Variants in TCERG1L observed in about 807,000 individuals in gnomAD.
TCERG1L encodes the protein transcription elongation regulator 1 like, also known as transcription elongation regulator 1-like protein.
TCERG1L carries 37 observed loss-of-function variants against 56.3 expected under a neutral mutation model. The ratio of observed to expected loss-of-function variants is 0.66; its 90% CI spans 0.51 to 0.87. The LOEUF (loss-of-function observed/expected upper bound fraction) is 0.87. Ranked by LOEUF, TCERG1L falls within the 40% of genes least tolerant of loss-of-function variation. The pLI is 0.00. For missense variants in TCERG1L, 799 were observed against 774.2 expected (o/e 1.03, Z -0.38); for synonymous variants, 324 against 326.3 (o/e 0.99, Z 0.08).
At chr10:131,256,960 G>GGAAA (rs1846169920) in intron 4 of TCERG1L, among the ~76,000 whole-genome samples, 2 of 39,784 alleles carry the variant, frequency 5.0e-5, no homozygotes, top group African/African-American at 1.6e-4. Context: ...AAGGAAGGAA[G>GGAAA]GAAGGAAGGA....
In TCERG1L at chr10:131,311,501, G is replaced by GC; in HGVS notation, c.134dup (p.Ser46LeufsTer116). The GC allele has an allele frequency of 2.5e-6, 3 of 1,208,904 alleles. No homozygotes were observed. Among genetic ancestry groups the GC allele is most frequent in the Non-Finnish European group, 3.1e-6 (3 of 969,834 alleles). 74.9% of individuals were successfully genotyped at this position (1,208,904 alleles called of 1,614,324 possible). A position where few individuals can be genotyped will look rare whatever the true frequency, so the allele number is the denominator to read the frequency against. On this transcript the variant is annotated frameshift_variant, in exon 1 of 12. Coordinates refer to ENST00000368642, the MANE Select transcript of TCERG1L (RefSeq NM_174937.4). LOFTEE classifies it high-confidence loss of function. This position sits in a 1 kb window ranked among gnomAD's most constrained non-coding sequence, Gnocchi z 4.0. ...CGCTGAGCCGGAGCAGCCCGGCCGAGCCCGGCACCATCCAGACCCAGGGCG... is the reference window on the plus strand; with the variant it reads ...CGCTGAGCCGGAGCAGCCCGGCCGAGCCCCGGCACCATCCAGACCCAGGGCG...
intron 3 of TCERG1L, among the ~76,000 whole-genome samples, chr10:131,284,871 T>A (rs1033227395): frequency 3.9e-5 from 6 of 152,268 alleles, no homozygotes; most frequent in African/African-American, 1.2e-4. Flanking sequence ...ATATAACAAC[T>A]AAATACATTG....
At chr10:131,098,914 T>A (rs956149049) in intron 10 of TCERG1L, among the ~76,000 whole-genome samples, 16 of 152,214 alleles carry the variant, frequency 1.1e-4, no homozygotes, top group African/African-American at 3.4e-4. Flanking sequence ...GACATTCGAG[T>A]CTCCCAAAAA....
chr10:131,202,670 C>A (rs764464464), intron 4 of TCERG1L, among the ~76,000 whole-genome samples: 1 of 152,102 alleles, frequency 6.6e-6, no homozygotes, highest in South Asian at 2.1e-4. Flanking sequence ...AGTAACGTAG[C>A]GGAATTCAAG....
At chr10:131,215,213 G>A (rs1187573537) in intron 4 of TCERG1L, among the ~76,000 whole-genome samples, 1 of 152,104 alleles carries the variant, frequency 6.6e-6, no homozygotes, top group African/African-American at 2.4e-5. Flanking sequence ...GTTATCCAAG[G>A]CTCACCCCAA....
chr10:131,286,451 C>T (rs1388941887), intron 3 of TCERG1L, among the ~76,000 whole-genome samples: 1 of 152,106 alleles, frequency 6.6e-6, no homozygotes, highest in Non-Finnish European at 1.5e-5. Context: ...AGGTAATGCA[C>T]CCGCATACTA....
chr10:131,207,360 G>A (rs867560935), intron 4 of TCERG1L, among the ~76,000 whole-genome samples: 23 of 152,206 alleles, frequency 1.5e-4, no homozygotes, highest in African/African-American at 4.1e-4. Context: ...TCTTGCTGCC[G>A]AGGCTTTGCT....
intron 11 of TCERG1L, among the ~76,000 whole-genome samples, chr10:131,094,471 A>T (rs1408902789): frequency 1.3e-5 from 2 of 152,252 alleles, no homozygotes; most frequent in African/African-American, 4.8e-5. Flanking sequence ...CATGGCTGTT[A>T]GAAGACAAGA....
At chr10:131,240,896 C>T (rs1211096624) in intron 4 of TCERG1L, among the ~76,000 whole-genome samples, 3 of 152,154 alleles carry the variant, frequency 2.0e-5, no homozygotes, top group Non-Finnish European at 2.9e-5. Context: ...AGGTCCCCTG[C>T]GAGGGGCTGC....
At chr10:131,141,149 G>A (rs1487820376) in intron 7 of TCERG1L, among the ~76,000 whole-genome samples, 1 of 152,090 alleles carries the variant, frequency 6.6e-6, no homozygotes, top group Non-Finnish European at 1.5e-5. Context: ...TTCTAGATTT[G>A]GTCAATAATC....
intron 10 of TCERG1L, among the ~76,000 whole-genome samples, chr10:131,102,718 C>T (rs1369330685): frequency 1.3e-5 from 2 of 152,138 alleles, no homozygotes; most frequent in African/African-American, 2.4e-5. Flanking sequence ...GAGGGCAAGA[C>T]GTGACCGCAC....
chr10:131,236,799 A>G (rs1044343521), intron 4 of TCERG1L, among the ~76,000 whole-genome samples: 3 of 152,158 alleles, frequency 2.0e-5, no homozygotes, highest in Non-Finnish European at 4.4e-5. Context: ...GCAGAGAGAC[A>G]TGAGTCCCTA....
At chr10:131,217,709 T>A (rs941040035) in intron 4 of TCERG1L, among the ~76,000 whole-genome samples, 2 of 4,200 alleles carry the variant, frequency 4.8e-4, no homozygotes, top group African/African-American at 1.1e-3. Flanking sequence ...GTAGCTGCCC[T>A]TTTTTTTTTT....
intron 4 of TCERG1L, among the ~76,000 whole-genome samples, chr10:131,214,070 G>A (rs1206313224): frequency 6.6e-6 from 1 of 151,986 alleles, no homozygotes; most frequent in African/African-American, 2.4e-5. Context: ...ACGCACAACA[G>A]TTACAATGAC....
intron 3 of TCERG1L, among the ~76,000 whole-genome samples, chr10:131,287,928 T>C (rs1420970272): frequency 2.0e-5 from 3 of 152,192 alleles, no homozygotes; most frequent in Non-Finnish European, 4.4e-5. Flanking sequence ...AGTAATGACA[T>C]GATGTCACTC....
chr10:131,252,650 C>T (rs1352812242), intron 4 of TCERG1L, among the ~76,000 whole-genome samples: 1 of 152,194 alleles, frequency 6.6e-6, no homozygotes, highest in Non-Finnish European at 1.5e-5. Flanking sequence ...ACCGCCTCCT[C>T]TACCGAGTCC....
intron 6 of TCERG1L, among the ~76,000 whole-genome samples, chr10:131,154,725 A>G (rs989002648): frequency 6.6e-6 from 1 of 152,120 alleles, no homozygotes; most frequent in African/African-American, 2.4e-5. Flanking sequence ...TTCCCTCTTG[A>G]GTAGGTTCTC....
intron 3 of TCERG1L, among the ~76,000 whole-genome samples, chr10:131,294,072 G>T (rs543561797): frequency 6.6e-6 from 1 of 152,058 alleles, no homozygotes; most frequent in East Asian, 1.9e-4. Flanking sequence ...CTTTTATTAT[G>T]AAATCTTTCA....
intron 3 of TCERG1L, among the ~76,000 whole-genome samples, chr10:131,285,585 A>AAGAAAG (rs1241195084): frequency 1.5e-5 from 2 of 130,766 alleles, no homozygotes; most frequent in East Asian, 4.5e-4. Context: ...AGAAAGAAAA[A>AAGAAAG]AAATGAGATG....
Sources: allele counts gnomAD v4.1 joint callset (sites outside exome capture counted in the v4.1 genomes callset), GRCh38; gene constraint gnomAD v4.1.1; non-coding constraint Gnocchi (gnomAD v3.1); transcripts MANE v1.5; gene names NCBI Gene and HGNC (gene_info 2026-07-23, HGNC 2026-07-21).